Variants in SLC17A4 observed in about 807,000 individuals in gnomAD.
The protein encoded by SLC17A4 is solute carrier family 17 member 4.
Under a neutral mutation model 52.5 loss-of-function variants are expected in SLC17A4, and 33 were observed. That is an observed-to-expected ratio of 0.63 (90% CI 0.48 to 0.84). SLC17A4 has a LOEUF of 0.84. SLC17A4 is among the 40% of genes least tolerant of loss of function. The probability of loss-of-function intolerance (pLI) is 0.00; values close to 1 mark genes in which losing one functional copy is unlikely to be tolerated. For missense variants in SLC17A4, 585 were observed against 597.1 expected (o/e 0.98, Z 0.21); for synonymous variants, 225 against 216.2 (o/e 1.04, Z -0.36).
intron 8 of SLC17A4, 138 bp from the exon 9 acceptor site, chr6:25,776,457 T>C (rs559806578): frequency 1.9e-6 from 2 of 1,031,522 alleles, no homozygotes; most frequent in Admixed American, 2.4e-5. Flanking sequence ...ATTGGCTCAT[T>C]ATAGTAACAT....
intron 2 of SLC17A4, 46 bp from the exon 3 acceptor site, chr6:25,768,939 G>A: frequency 1.3e-6 from 2 of 1,555,830 alleles, no homozygotes; most frequent in East Asian, 4.5e-5. Flanking sequence ...GGGAGAGTGG[G>A]AGAAAAGCAT....
rs190053138 is a variant in SLC17A4, at chr6:25,758,479, T to C, written c.-36-3448T>C. Among the ~76,000 whole-genome samples, 10 of 152,318 alleles carry C rather than the reference T, an allele frequency of 6.6e-5. No homozygotes were observed. In the East Asian group the frequency reaches 1.9e-3, roughly 29 times the overall value. On this transcript the variant is annotated intron_variant, in intron 1 of 11. Coordinates refer to ENST00000377905, the MANE Select transcript of SLC17A4 (RefSeq NM_005495.3). ...GGCCGTTCCTACCCTCCCCATTCCT[T>C]TGCAGAGAGAGTTTCTATTTCTTCC...
At chr6:25,764,095 G>A (rs1404839741) in intron 2 of SLC17A4, among the ~76,000 whole-genome samples, 2 of 152,168 alleles carry the variant, frequency 1.3e-5, no homozygotes, top group African/African-American at 4.8e-5. Flanking sequence ...CAAAGTCACA[G>A]GCAGAAATCC....
In SLC17A4 at chr6:25,779,323, T is replaced by C. The variant is rs1763185238; in HGVS notation, c.*135T>C. On this transcript the variant is annotated 3_prime_UTR_variant, in exon 12 of 12. Coordinates refer to ENST00000377905, the MANE Select transcript of SLC17A4 (RefSeq NM_005495.3). Reference sequence around the variant, plus strand: ...CTATGTAACGCTAAAGATTTTACCATGCCTGGAAATTTTACAGGGGAAGAA... The same window carrying C: ...CTATGTAACGCTAAAGATTTTACCACGCCTGGAAATTTTACAGGGGAAGAA... 5 of 1,265,990 alleles carry C rather than the reference T, an allele frequency of 3.9e-6. No homozygotes were observed. Among genetic ancestry groups the C allele is most frequent in the East Asian group, 5.0e-5 (2 of 40,328 alleles). The allele number at this position is 1,265,990 out of a possible 1,614,324, so 78.4% of individuals were successfully genotyped here. A position where few individuals can be genotyped will look rare whatever the true frequency, so the allele number is the denominator to read the frequency against.
chr6:25,774,362 C>T (rs1762725838), intron 8 of SLC17A4, among the ~76,000 whole-genome samples: 1 of 152,114 alleles, frequency 6.6e-6, no homozygotes, highest in South Asian at 2.1e-4. Context: ...GTTCACAAAG[C>T]CAGTGTTATT....
chr6:25,778,974 G>C, intron 11 of SLC17A4, 80 bp from the exon 12 acceptor site: 1 of 1,569,116 alleles, frequency 6.4e-7, no homozygotes, highest in Non-Finnish European at 8.7e-7. Flanking sequence ...GGAGCAGGAG[G>C]ACACAGAGCC....
At chr6:25,769,515 G>T (rs1242589739) in intron 3 of SLC17A4, among the ~76,000 whole-genome samples, 2 of 151,326 alleles carry the variant, frequency 1.3e-5, no homozygotes, top group African/African-American at 4.9e-5. Context: ...CGGAGATCGT[G>T]CCACTGCACT....
chr6:25,767,001 T>C (rs1019154275), intron 2 of SLC17A4, among the ~76,000 whole-genome samples: 1 of 152,186 alleles, frequency 6.6e-6, no homozygotes, highest in African/African-American at 2.4e-5. Flanking sequence ...GCAGGTTTAT[T>C]AATTGCAACA....
intron 8 of SLC17A4, among the ~76,000 whole-genome samples, chr6:25,775,739 T>C (rs73383212): frequency 0.018 from 2,809 of 152,322 alleles, 100 homozygotes; most frequent in African/African-American, 0.062. Flanking sequence ...AAATTTCCTA[T>C]ATATATTCTT....
chr6:25,766,737 C>T (rs764627865), intron 2 of SLC17A4, among the ~76,000 whole-genome samples: 35 of 152,088 alleles, frequency 2.3e-4, no homozygotes, highest in Non-Finnish European at 3.1e-4. Context: ...TAAGGGATGC[C>T]CCACAAAACA....
chr6:25,778,336 G>A (rs1202130719), intron 11 of SLC17A4, among the ~76,000 whole-genome samples: 1 of 151,388 alleles, frequency 6.6e-6, no homozygotes, highest in Non-Finnish European at 1.5e-5. Flanking sequence ...TGACTTTCCT[G>A]TGGTTTTTCA....
At chr6:25,760,000 C>T (rs1382410525) in intron 1 of SLC17A4, among the ~76,000 whole-genome samples, 1 of 152,160 alleles carries the variant, frequency 6.6e-6, no homozygotes, top group Non-Finnish European at 1.5e-5. Context: ...TGTGGCTGTG[C>T]TTATTAGTCT....
chr6:25,773,369 C>T lies in SLC17A4; in HGVS notation c.801C>T (p.Tyr267=), dbSNP rs775248986. 4 of 1,613,680 alleles carry T rather than the reference C, an allele frequency of 2.5e-6. No individual in the cohort carries two copies. The highest frequency in any genetic ancestry group is 1.6e-4 in the Middle Eastern group (1 of 6,074). The change falls in exon 7 of 12, where the codon TAC becomes TAT. Residue 267 remains tyrosine, a synonymous_variant. Coordinates refer to ENST00000377905, the MANE Select transcript of SLC17A4 (RefSeq NM_005495.3). ...HPFISAGEKR[Y]IVCSLAQQDC... ...TTATCAGTGCTGGTGAGAAGAGATA[C>T]ATTGTGTGTTCATTGGCTCAGCAGG... is the stretch of plus-strand genomic sequence containing the variant.
In SLC17A4 at chr6:25,779,905, C is replaced by G. The variant is rs1763218177; in HGVS notation, c.*717C>G. On this transcript the variant is annotated 3_prime_UTR_variant, in exon 12 of 12. Transcript: ENST00000377905. ...AGACATTGCCCAGTGTCTCTTCTAG[C>G]CCCTCCAACAGTTCTTCATGTAGCA... 4 of 152,214 alleles carry G rather than the reference C, an allele frequency of 2.6e-5. No individual in the cohort carries two copies. The allele number at this position is 152,214 out of a possible 1,614,324, so 9.4% of individuals were successfully genotyped here. A position where few individuals can be genotyped will look rare whatever the true frequency, so the allele number is the denominator to read the frequency against.
At chr6:25,776,484 G>A (rs1762929010) in intron 8 of SLC17A4, 111 bp from the exon 9 acceptor site, 1 of 1,277,054 alleles carries the variant, frequency 7.8e-7, no homozygotes, top group Non-Finnish European at 1.1e-6. Flanking sequence ...TGTATTAAAA[G>A]TGATGCGTAT....
chr6:25,778,927 T>A lies in SLC17A4; in HGVS notation c.1360-127T>A, dbSNP rs1271043764. On this transcript the variant is annotated intron_variant, in intron 11 of 11. Transcript: ENST00000377905. Reference sequence around the variant, plus strand: ...TGTACTTGAGTATTCTAGGACCAACTGGGAAGCCCATGGAAGCCAGAGTGG... The same window carrying A: ...TGTACTTGAGTATTCTAGGACCAACAGGGAAGCCCATGGAAGCCAGAGTGG... 16 of 1,212,402 alleles carry A rather than the reference T, an allele frequency of 1.3e-5. No individual in the cohort carries two copies. In the Admixed American group the frequency reaches 3.3e-4, roughly 25 times the overall value. The allele number at this position is 1,212,402 out of a possible 1,614,324, so 75.1% of individuals were successfully genotyped here. A position where few individuals can be genotyped will look rare whatever the true frequency, so the allele number is the denominator to read the frequency against.
At chr6:25,776,555 G>C (rs763240065) in intron 8 of SLC17A4, 40 bp from the exon 9 acceptor site, 36 of 1,557,918 alleles carry the variant, frequency 2.3e-5, no homozygotes, top group Non-Finnish European at 3.0e-5. Context: ...TGGTGGGGGT[G>C]GTAAGGGCAC....
At chr6:25,765,420 C>A (rs1429945102) in intron 2 of SLC17A4, among the ~76,000 whole-genome samples, 1 of 152,202 alleles carries the variant, frequency 6.6e-6, no homozygotes, top group African/African-American at 2.4e-5. Flanking sequence ...TCTTAATCAT[C>A]CAGGCACAAA....
chr6:25,777,815 C>A, intron 10 of SLC17A4, 111 bp from the exon 11 acceptor site: 1 of 816,374 alleles, frequency 1.2e-6, no homozygotes, highest in Admixed American at 1.9e-5. Context: ...AGCAGACCAG[C>A]TGATATTAAC....
Sources: gnomAD v4.1 joint callset for allele counts (sites outside exome capture counted in the v4.1 genomes callset) on GRCh38, gnomAD v4.1.1 for gene constraint, MANE v1.5 for transcripts, NCBI Gene and HGNC (gene_info 2026-07-23, HGNC 2026-07-21) for gene names.